PLD1: variants seen among roughly 807,000 people sequenced by gnomAD.
PLD1 encodes the protein choline phosphatase 1.
PLD1 carries 112 observed loss-of-function variants against 137.1 expected under a neutral mutation model. The observed-to-expected ratio is 0.82, with a 90% CI of 0.70 to 0.96. PLD1 has a LOEUF of 0.96. Ranked by LOEUF, PLD1 falls within the 40% of genes least tolerant of loss-of-function variation. The pLI is 0.00. For missense variants in PLD1, 1,321 were observed against 1,342.0 expected (o/e 0.98, Z 0.24); for synonymous variants, 431 against 454.7 (o/e 0.95, Z 0.66).
intron 23 of PLD1, among the ~76,000 whole-genome samples, chr3:171,631,628 G>A (rs952006851): frequency 6.6e-6 from 1 of 152,110 alleles, no homozygotes; most frequent in African/African-American, 2.4e-5. Context: ...ACACCTTGTT[G>A]TGCCAGTAAA....
chr3:171,713,258 G>C (rs1366507431), intron 9 of PLD1, among the ~76,000 whole-genome samples: 1 of 152,156 alleles, frequency 6.6e-6, no homozygotes, highest in African/African-American at 2.4e-5. Context: ...TCAGGAGTTC[G>C]AGACCAGCCT....
chr3:171,795,731 C>T (rs1723408945), intron 1 of PLD1, among the ~76,000 whole-genome samples: 1 of 152,216 alleles, frequency 6.6e-6, no homozygotes, highest in Admixed American at 6.5e-5. Flanking sequence ...ATGCTATTCC[C>T]TCTGCTTAGA....
At chr3:171,747,904 TGGTGCTCAACTTCC>T (rs145508696) in intron 1 of PLD1, among the ~76,000 whole-genome samples, 1,689 of 152,306 alleles carry the variant, frequency 0.011, 38 homozygotes, top group African/African-American at 0.039. Context: ...TAACTTTAGG[TGGTGCTCAACTTCC>T]TCACCTAAAA....
chr3:171,707,384 A>C (rs1437214246), intron 11 of PLD1, among the ~76,000 whole-genome samples: 1 of 152,220 alleles, frequency 6.6e-6, no homozygotes, highest in Non-Finnish European at 1.5e-5. Context: ...AGTCTCTCTC[A>C]CATCTTCACC....
Position 171,709,607 on chromosome 3 carries a change from A to C in PLD1, c.1014T>G (p.His338Gln). 1 of 1,614,060 alleles carries C rather than the reference A, an allele frequency of 6.2e-7. No individual in the cohort carries two copies. Among genetic ancestry groups the C allele is most frequent in the Non-Finnish European group, 8.5e-7 (1 of 1,179,932 alleles). ...QKHGTNFLKD[H>Q]RFGSYAAIQE... ...GGATAGCAGCATATGACCCAAATCG[A>C]TGATCTTTGAGAAAGTTGGTGCCAT... Residue 338 changes from histidine to glutamine, a missense_variant, in exon 10 of 27, where the codon CAT becomes CAG. Coordinates refer to ENST00000351298, the MANE Select transcript of PLD1 (RefSeq NM_002662.5).
rs1242134879 is a variant in PLD1, at chr3:171,600,603, T to A, written c.*2475A>T. 1 of 151,634 alleles carries A rather than the reference T, an allele frequency of 6.6e-6. No individual in the cohort carries two copies. The highest frequency in any genetic ancestry group is 1.5e-5 in the Non-Finnish European group (1 of 67,984). The allele number at this position is 151,634 out of a possible 1,614,324, so 9.4% of individuals were successfully genotyped here. On this transcript the variant is annotated 3_prime_UTR_variant, in exon 27 of 27. Transcript: ENST00000351298. ...ACAGGTAATTAAGTCATACAGTACATCTTGTGTCCACATTTCATGCAATTT... is the reference window on the plus strand; with the variant it reads ...ACAGGTAATTAAGTCATACAGTACAACTTGTGTCCACATTTCATGCAATTT...
intron 19 of PLD1, among the ~76,000 whole-genome samples, chr3:171,663,483 A>G (rs2108441982): frequency 6.6e-6 from 1 of 152,366 alleles, no homozygotes; most frequent in East Asian, 1.9e-4. Flanking sequence ...TGAAATGTGT[A>G]GCAGGAGGCC....
intron 21 of PLD1, among the ~76,000 whole-genome samples, chr3:171,654,450 C>A (rs899262560): frequency 3.3e-5 from 5 of 152,044 alleles, no homozygotes; most frequent in Admixed American, 6.6e-5. Context: ...TGTGTGTCAA[C>A]TGTTTGTTGC....
At chr3:171,662,215 G>C (rs1216609853) in intron 19 of PLD1, 45 bp from the exon 20 acceptor site, 1 of 1,057,170 alleles carries the variant, frequency 9.5e-7, no homozygotes. Flanking sequence ...GCAATGGAGA[G>C]GACATCAGAT....
chr3:171,707,139 G>A (rs1716757713), intron 11 of PLD1, among the ~76,000 whole-genome samples: 1 of 152,088 alleles, frequency 6.6e-6, no homozygotes, highest in Admixed American at 6.5e-5. Flanking sequence ...ACACATACAA[G>A]GGAACAACAC....
At chr3:171,801,491 C>T (rs1298554195) in intron 1 of PLD1, among the ~76,000 whole-genome samples, 1 of 152,234 alleles carries the variant, frequency 6.6e-6, no homozygotes, top group Non-Finnish European at 1.5e-5. Flanking sequence ...TGCTATGGCA[C>T]GATCTCAGCT....
rs549241624 is a variant in PLD1 at position 171,771,975 on chromosome 3, C to T, written c.-31-33893G>A. Among the ~76,000 whole-genome samples the T allele has an allele frequency of 3.0e-3, 451 of 152,288 alleles. 2 individuals are homozygous for T. Among genetic ancestry groups the T allele is most frequent in the African/African-American group, 0.01 (436 of 41,564 alleles). On this transcript the variant is annotated intron_variant, in intron 1 of 26. Coordinates refer to ENST00000351298, the MANE Select transcript of PLD1 (RefSeq NM_002662.5). ...TAGAATGGATGTATAAGCTAAGACACGTCTTTTAACATGGATCTTTAAGCT... is the reference window on the plus strand; with the variant it reads ...TAGAATGGATGTATAAGCTAAGACATGTCTTTTAACATGGATCTTTAAGCT...
rs368221088 is a variant in PLD1, at chr3:171,705,239, TA to T, written c.1145+3515del. Among the ~76,000 whole-genome samples, 206 of 152,320 alleles carry T rather than the reference TA, an allele frequency of 1.4e-3. 3 individuals carry two copies. Among genetic ancestry groups the T allele is most frequent in the African/African-American group, 4.7e-3 (197 of 41,560 alleles). ...AAGAGGAAAGTTCAGAAAAAATGTG[TA>T]AAGAAATAATGGCTAACAATTTCTT... On this transcript the variant is annotated intron_variant, in intron 11 of 26. Transcript: ENST00000351298.
At chr3:171,657,882 G>A (rs1286594401) in intron 21 of PLD1, among the ~76,000 whole-genome samples, 4 of 151,992 alleles carry the variant, frequency 2.6e-5, no homozygotes, top group Non-Finnish European at 5.9e-5. Context: ...ACAAGCCATC[G>A]AATGGGAGAA....
At chr3:171,795,851 T>C (rs889784565) in intron 1 of PLD1, among the ~76,000 whole-genome samples, 3 of 152,150 alleles carry the variant, frequency 2.0e-5, no homozygotes, top group African/African-American at 7.2e-5. Context: ...TGGCCCAAGG[T>C]TTTCAATAGT....
chr3:171,655,864 A>G (rs1199984893), intron 21 of PLD1, among the ~76,000 whole-genome samples: 1 of 152,208 alleles, frequency 6.6e-6, no homozygotes, highest in Non-Finnish European at 1.5e-5. Context: ...CCATTTTGAA[A>G]ATGTGTCTGT....
intron 19 of PLD1, among the ~76,000 whole-genome samples, chr3:171,668,249 C>T (rs781410353): frequency 1.4e-4 from 22 of 152,210 alleles, no homozygotes; most frequent in African/African-American, 3.9e-4. Context: ...CACTCACAAA[C>T]GTGTTAGTCC....
chr3:171,611,093 C>T (rs1472820590), intron 25 of PLD1, among the ~76,000 whole-genome samples: 1 of 152,214 alleles, frequency 6.6e-6, no homozygotes, highest in Non-Finnish European at 1.5e-5. Context: ...CAGGCTGCAG[C>T]GCAGTGCCCT....
At chr3:171,753,710 C>T (rs533088629) in intron 1 of PLD1, among the ~76,000 whole-genome samples, 18 of 152,054 alleles carry the variant, frequency 1.2e-4, no homozygotes, top group African/African-American at 4.1e-4. Context: ...TGTTTCCAAC[C>T]GTCCTCTCAT....
Sources: allele counts gnomAD v4.1 joint callset (sites outside exome capture counted in the v4.1 genomes callset), GRCh38; gene constraint gnomAD v4.1.1; transcripts MANE v1.5; gene names NCBI Gene and HGNC (gene_info 2026-07-23, HGNC 2026-07-21).